PTPN2: variants seen among roughly 807,000 people sequenced by gnomAD.
The protein encoded by PTPN2 is tyrosine-protein phosphatase non-receptor type 2.
In PTPN2, 19 loss-of-function variants were observed where a neutral mutation model predicts 57.3. That is an observed-to-expected ratio of 0.33 (90% CI 0.23 to 0.49). The LOEUF (loss-of-function observed/expected upper bound fraction) is 0.49, where lower values mean the gene tolerates loss of function less well. PTPN2 is among the 20% of genes least tolerant of loss of function. The pLI is 0.99. For missense variants in PTPN2, 358 were observed against 501.1 expected (o/e 0.71, Z 2.73); for synonymous variants, 153 against 164.9 (o/e 0.93, Z 0.55).
chr18:12,820,109 T>C (rs971692708), intron 5 of PTPN2, among the ~76,000 whole-genome samples: 22 of 151,886 alleles, frequency 1.4e-4, no homozygotes, highest in Non-Finnish European at 3.2e-4. Context: ...TTTGCTTGTA[T>C]GATTTTGGCT....
chr18:12,870,013 C>T (rs1358045978), intron 1 of PTPN2, among the ~76,000 whole-genome samples: 2 of 151,610 alleles, frequency 1.3e-5, no homozygotes, highest in African/African-American at 2.4e-5. Flanking sequence ...AGAGAAGATC[C>T]CTGGTGGAGT....
intron 2 of PTPN2, among the ~76,000 whole-genome samples, chr18:12,844,352 A>C (rs1598836058): frequency 2.0e-5 from 3 of 152,308 alleles, no homozygotes; most frequent in Non-Finnish European, 4.4e-5. Context: ...CTTTTTAAGA[A>C]ACTGCCAAAC....
Position 12,870,439 on chromosome 18 carries a change from G to A in PTPN2, c.70-11185C>T, listed in dbSNP as rs12958770. Among the ~76,000 whole-genome samples, 23 of 30,364 alleles carry A rather than the reference G, an allele frequency of 7.6e-4. 1 individual carries two copies. Among genetic ancestry groups the A allele is most frequent in the South Asian group, 3.7e-3 (2 of 540 alleles). The allele number at this position is 30,364 out of a possible 152,430, so 19.9% of individuals were successfully genotyped here. A position where few individuals can be genotyped will look rare whatever the true frequency, so the allele number is the denominator to read the frequency against. On this transcript the variant is annotated intron_variant, in intron 1 of 8. Transcript: ENST00000309660. ...TGTATATATATACGTATATATATAT[G>A]TGTATATATATATATATATATATAG...
intron 3 of PTPN2, among the ~76,000 whole-genome samples, chr18:12,833,685 A>G (rs933499038): frequency 6.6e-6 from 1 of 152,202 alleles, no homozygotes; most frequent in Non-Finnish European, 1.5e-5. Flanking sequence ...CTACACCACT[A>G]GAGTGACAGG....
chr18:12,874,668 G>A (rs1273511019), intron 1 of PTPN2, among the ~76,000 whole-genome samples: 5 of 142,206 alleles, frequency 3.5e-5, no homozygotes, highest in South Asian at 2.3e-4. Flanking sequence ...CAGCCGCCCC[G>A]TCCGGGAGGG....
At chr18:12,866,391 T>C (rs555609969) in intron 1 of PTPN2, among the ~76,000 whole-genome samples, 3 of 151,930 alleles carry the variant, frequency 2.0e-5, no homozygotes, top group Non-Finnish European at 2.9e-5. Context: ...TGAGCCAAGA[T>C]TGCACCACTG....
At chr18:12,795,937 C>CTTT (rs71174143) in intron 8 of PTPN2, among the ~76,000 whole-genome samples, 28 of 140,100 alleles carry the variant, frequency 2.0e-4, no homozygotes, top group African/African-American at 4.2e-4. Flanking sequence ...GATTTAAAAT[C>CTTT]TTTTTTTTTT....
chr18:12,843,196 A>G lies in PTPN2; in HGVS notation c.161-6305T>C, dbSNP rs932274660. Among the ~76,000 whole-genome samples, 7 of 152,136 alleles carry G rather than the reference A, an allele frequency of 4.6e-5. No individual in the cohort carries two copies. In the East Asian group the frequency reaches 1.3e-3, roughly 29 times the overall value. ...GGGTGACTACTACTTGAGAAACACT[A>G]TCAGCATCCCAGTCGCCGACAGTCC... On this transcript the variant is annotated intron_variant, in intron 2 of 8. Transcript: ENST00000309660.
chr18:12,874,898 G>C (rs983612178), intron 1 of PTPN2, among the ~76,000 whole-genome samples: 6 of 152,208 alleles, frequency 3.9e-5, no homozygotes, highest in Non-Finnish European at 7.4e-5. Flanking sequence ...TGAGAAATCG[G>C]ATGGTTGCCG....
intron 1 of PTPN2, among the ~76,000 whole-genome samples, chr18:12,878,851 A>T (rs2044579154): frequency 6.6e-6 from 1 of 152,160 alleles, no homozygotes; most frequent in African/African-American, 2.4e-5. Flanking sequence ...AGAACTCTTT[A>T]AAAAAGAAAG....
chr18:12,871,781 T>A (rs931553216), intron 1 of PTPN2, among the ~76,000 whole-genome samples: 1 of 152,094 alleles, frequency 6.6e-6, no homozygotes, highest in Non-Finnish European at 1.5e-5. Context: ...AGGGCAGGCA[T>A]GTTGGCTCAC....
chr18:12,817,367 T>TA lies in PTPN2; in HGVS notation c.496-3dup. The TA allele has an allele frequency of 6.2e-7, 1 of 1,608,936 alleles. No homozygotes were observed. Among genetic ancestry groups the TA allele is most frequent in the Non-Finnish European group, 8.5e-7 (1 of 1,176,482 alleles). ...AGATATTGTTCTGGTTTCACCACTC[T>TA]AAAAAGTGAAAATCAAGGGAGAAGT... On this transcript the variant is annotated splice_polypyrimidine_tract_variant and splice_region_variant and intron_variant, in intron 5 of 8. Transcript: ENST00000309660.
At chr18:12,871,693 T>C (rs535621206) in intron 1 of PTPN2, among the ~76,000 whole-genome samples, 7 of 152,328 alleles carry the variant, frequency 4.6e-5, no homozygotes, top group South Asian at 4.1e-4. Flanking sequence ...TGTTTTCTTA[T>C]ATAATTTTAT....
At chr18:12,826,939 TA>T (rs989324326) in intron 4 of PTPN2, among the ~76,000 whole-genome samples, 1 of 152,228 alleles carries the variant, frequency 6.6e-6, no homozygotes, top group Admixed American at 6.5e-5. Flanking sequence ...ATTCATAAAA[TA>T]AAAATAAATT....
chr18:12,879,167 C>G (rs969777692), intron 1 of PTPN2, among the ~76,000 whole-genome samples: 2 of 152,238 alleles, frequency 1.3e-5, no homozygotes, highest in African/African-American at 4.8e-5. Context: ...GAGACAGGAT[C>G]TCACTCTGTC....
In PTPN2 at chr18:12,801,951, G is replaced by A. The variant is rs377300788; in HGVS notation, c.1040+19C>T. Reference sequence around the variant, plus strand: ...ATAAAAAAGCCTCATCTTTCAGCCTGTAGTTATAGAAAGCTTACCTCTCAC... The same window carrying A: ...ATAAAAAAGCCTCATCTTTCAGCCTATAGTTATAGAAAGCTTACCTCTCAC... On this transcript the variant is annotated intron_variant, in intron 8 of 8. Transcript: ENST00000309660. 3 of 1,556,694 alleles carry A rather than the reference G, an allele frequency of 1.9e-6. No individual in the cohort carries two copies. The highest frequency in any genetic ancestry group is 2.6e-6 in the Non-Finnish European group (3 of 1,154,498).
intron 5 of PTPN2, among the ~76,000 whole-genome samples, chr18:12,825,411 G>A (rs1376712231): frequency 6.6e-6 from 1 of 152,054 alleles, no homozygotes; most frequent in Non-Finnish European, 1.5e-5. Flanking sequence ...GGACAGCCCC[G>A]GAGGGAAGGC....
chr18:12,833,616 C>T (rs1017967102), intron 3 of PTPN2, among the ~76,000 whole-genome samples: 3 of 152,080 alleles, frequency 2.0e-5, no homozygotes, highest in African/African-American at 4.8e-5. Flanking sequence ...AAGTTTAGGG[C>T]ATATTTGGGA....
At chr18:12,815,810 A>G (rs1009940622) in intron 6 of PTPN2, among the ~76,000 whole-genome samples, 1 of 152,190 alleles carries the variant, frequency 6.6e-6, no homozygotes, top group Non-Finnish European at 1.5e-5. Flanking sequence ...TCCTTCCAAG[A>G]GTATCACTCC....
Sources: allele counts gnomAD v4.1 joint callset (sites outside exome capture counted in the v4.1 genomes callset), GRCh38; gene constraint gnomAD v4.1.1; transcripts MANE v1.5; gene names NCBI Gene and HGNC (gene_info 2026-07-23, HGNC 2026-07-21).